Variants in ZDHHC20 observed in about 807,000 individuals in gnomAD.
ZDHHC20 encodes palmitoyltransferase ZDHHC20.
In ZDHHC20, 43 loss-of-function variants were observed where a neutral mutation model predicts 57.8. The ratio of observed to expected loss-of-function variants is 0.74; its 90% CI spans 0.58 to 0.96. The LOEUF (loss-of-function observed/expected upper bound fraction) is 0.96, where lower values mean the gene tolerates loss of function less well. Ranked by LOEUF, ZDHHC20 falls within the 40% of genes least tolerant of loss-of-function variation. The probability of loss-of-function intolerance (pLI) is 0.00; values close to 1 mark genes in which losing one functional copy is unlikely to be tolerated. For synonymous variants in ZDHHC20, 157 were observed against 153.0 expected (o/e 1.03, Z -0.19); for missense variants, 391 against 441.1 (o/e 0.89, Z 1.02).
At chr13:21,395,393 T>C (rs1329915199) in intron 7 of ZDHHC20, among the ~76,000 whole-genome samples, 1 of 151,140 alleles carries the variant, frequency 6.6e-6, no homozygotes, top group Non-Finnish European at 1.5e-5. Context: ...ATTAAGTATG[T>C]GACCTTCGGT....
At chr13:21,402,419 A>G (rs532103908) in intron 5 of ZDHHC20, among the ~76,000 whole-genome samples, 1 of 152,330 alleles carries the variant, frequency 6.6e-6, no homozygotes, top group South Asian at 2.1e-4. Context: ...TAACAAAATG[A>G]GTAATCTAAT....
intron 7 of ZDHHC20, 48 bp from the exon 8 acceptor site, chr13:21,391,902 C>T: frequency 6.4e-7 from 1 of 1,566,290 alleles, no homozygotes; most frequent in Non-Finnish European, 8.7e-7. Flanking sequence ...TAAAATATAA[C>T]TTACAAGTTA....
Position 21,381,470 on chromosome 13 carries a change from G to A in ZDHHC20, c.1024C>T (p.Leu342=). The change falls in exon 11 of 13, where the codon CTG becomes TTG. Residue 342 remains leucine (L), a synonymous_variant. Coordinates refer to ENST00000400590, the MANE Select transcript of ZDHHC20 (RefSeq NM_001330059.2). ...NRLLDSESQW[L]ENGAEEGIVK... is the part of the protein sequence containing the mutation. ...ATGCCTTCTTCAGCTCCATTCTCCA[G>A]CCACTGAGATTCACTGTCCAACAAG... is the stretch of plus-strand genomic sequence containing the variant. 1 of 1,613,790 alleles carries A rather than the reference G, an allele frequency of 6.2e-7. No homozygotes were observed.
rs993617073 is a variant in ZDHHC20, at chr13:21,398,789, T to G, written c.594+1584A>C. On this transcript the variant is annotated intron_variant, in intron 7 of 12. Coordinates refer to ENST00000400590, the MANE Select transcript of ZDHHC20 (RefSeq NM_001330059.2). Reference sequence around the variant, plus strand: ...CGTGCTGATTTTTATGGTGTCTTCCTCATGTCTACTGGTTCAATAAATAGC... The same window carrying G: ...CGTGCTGATTTTTATGGTGTCTTCCGCATGTCTACTGGTTCAATAAATAGC... Among the ~76,000 whole-genome samples the G allele has an allele frequency of 2.0e-5, 3 of 152,192 alleles. No homozygotes were observed. In the South Asian group the frequency reaches 6.2e-4, roughly 31 times the overall value.
At chr13:21,422,872 G>A (rs1405387762) in intron 2 of ZDHHC20, among the ~76,000 whole-genome samples, 2 of 151,680 alleles carry the variant, frequency 1.3e-5, no homozygotes, top group African/African-American at 4.8e-5. Context: ...TAAAACCCTG[G>A]GACTACTCAG....
At chr13:21,431,248 T>A (rs187820949) in intron 1 of ZDHHC20, among the ~76,000 whole-genome samples, 26 of 152,240 alleles carry the variant, frequency 1.7e-4, no homozygotes, top group Admixed American at 5.9e-4. Flanking sequence ...AAAGGCACTT[T>A]TTACACAGTG....
At chr13:21,412,059 T>C (rs991434405) in intron 4 of ZDHHC20, among the ~76,000 whole-genome samples, 11 of 152,184 alleles carry the variant, frequency 7.2e-5, no homozygotes, top group Admixed American at 3.9e-4. Context: ...GAAGTCTTGA[T>C]AGTGGCGATT....
intron 1 of ZDHHC20, among the ~76,000 whole-genome samples, chr13:21,455,449 G>A (rs116233775): frequency 3.1e-4 from 47 of 151,994 alleles, no homozygotes; most frequent in African/African-American, 1.0e-3. Context: ...CAATCCATTC[G>A]TACTTTAAAT....
In ZDHHC20 at chr13:21,391,841, T is replaced by A; in HGVS notation, c.608A>T (p.Asp203Val). ...AAGTACGTGGAATTTTGCACGTGTA[T>A]CTGTCAGTTCATTCTGAGGAAAAAA... ...FIKFWTNELTDTRAKFHVLFL... is the reference protein window; with the variant it reads ...FIKFWTNELTVTRAKFHVLFL... Residue 203 changes from aspartate to valine, a missense_variant, in exon 8 of 13, where the codon GAT becomes GTT. This residue lies in a region of ZDHHC20 where 197 missense variants were observed against 220.8 expected (regional missense o/e 0.89). Coordinates refer to ENST00000400590, the MANE Select transcript of ZDHHC20 (RefSeq NM_001330059.2). 6.2e-7 allele frequency: 1 copy of A among 1,611,446 alleles called. No individual in the cohort carries two copies. The highest frequency in any genetic ancestry group is 8.5e-7 in the Non-Finnish European group (1 of 1,179,066).
At chr13:21,420,666 T>C (rs1189551442) in intron 3 of ZDHHC20, among the ~76,000 whole-genome samples, 1 of 152,252 alleles carries the variant, frequency 6.6e-6, no homozygotes, top group African/African-American at 2.4e-5. Context: ...AGACAATTTG[T>C]TTCCATCACA....
intron 12 of ZDHHC20, chr13:21,377,156 G>GT (rs1593158139): frequency 5.4e-6 from 1 of 185,950 alleles, no homozygotes; most frequent in East Asian, 1.8e-4. Flanking sequence ...TACAATCACC[G>GT]TATGCGGGAC....
chr13:21,402,116 T>A (rs777040039), intron 5 of ZDHHC20, among the ~76,000 whole-genome samples: 1 of 152,040 alleles, frequency 6.6e-6, no homozygotes, highest in African/African-American at 2.4e-5. Flanking sequence ...GTACATTAGA[T>A]CCAGCTAACA....
chr13:21,408,206 T>G (rs374164700), intron 4 of ZDHHC20, among the ~76,000 whole-genome samples: 3 of 152,216 alleles, frequency 2.0e-5, no homozygotes, highest in East Asian at 3.8e-4. Flanking sequence ...TAAATTACTT[T>G]GGGCAGCATG....
chr13:21,446,487 T>C (rs780237441), intron 1 of ZDHHC20, among the ~76,000 whole-genome samples: 9 of 152,234 alleles, frequency 5.9e-5, no homozygotes, highest in Admixed American at 2.6e-4. Context: ...AAAAATTAAT[T>C]CTTCCTATGA....
intron 4 of ZDHHC20, among the ~76,000 whole-genome samples, chr13:21,412,560 C>T (rs923395442): frequency 6.6e-6 from 1 of 152,100 alleles, no homozygotes. Context: ...GACAGAATGA[C>T]AAAACGCCAC....
intron 3 of ZDHHC20, among the ~76,000 whole-genome samples, chr13:21,414,441 A>G (rs957051823): frequency 5.3e-5 from 8 of 151,034 alleles, no homozygotes; most frequent in Non-Finnish European, 1.2e-4. Flanking sequence ...GCTCACTGCA[A>G]GCTCCGCCTC....
At chr13:21,379,917 G>A (rs1872975445) in intron 11 of ZDHHC20, among the ~76,000 whole-genome samples, 1 of 150,412 alleles carries the variant, frequency 6.6e-6, no homozygotes, top group Non-Finnish European at 1.5e-5. Context: ...CGGGGTTCAC[G>A]CCATTCCCCT....
chr13:21,450,243 G>A (rs1884317040), intron 1 of ZDHHC20, among the ~76,000 whole-genome samples: 1 of 152,084 alleles, frequency 6.6e-6, no homozygotes, highest in African/African-American at 2.4e-5. Context: ...TTAGAGTCCG[G>A]AATTCAGCAT....
chr13:21,414,572 C>T (rs374969712), intron 3 of ZDHHC20, among the ~76,000 whole-genome samples: 45 of 134,262 alleles, frequency 3.4e-4, no homozygotes, highest in South Asian at 1.2e-3. Context: ...GAGGTTTCAC[C>T]GTGTTAGCCA....
Sources: gnomAD v4.1 joint callset for allele counts (sites outside exome capture counted in the v4.1 genomes callset) on GRCh38, gnomAD v4.1.1 for gene constraint, gnomAD v4.1.1 regional missense constraint, MANE v1.5 for transcripts, NCBI Gene and HGNC (gene_info 2026-07-23, HGNC 2026-07-21) for gene names.